The following GRM5 variants were observed in gnomAD, a reference collection of about 807,000 sequenced individuals.
GRM5 encodes the protein glutamate metabotropic receptor 5.
GRM5 carries 19 observed loss-of-function variants against 83.1 expected under a neutral mutation model. That is an observed-to-expected ratio of 0.23 (90% CI 0.16 to 0.34). The LOEUF (loss-of-function observed/expected upper bound fraction) is 0.34. GRM5 is among the 10% of genes least tolerant of loss of function. The pLI is 1.00. For synonymous variants in GRM5, 675 were observed against 633.6 expected (o/e 1.07, Z -0.98); for missense variants, 1,160 against 1,588.3 (o/e 0.73, Z 4.58).
intron 4 of GRM5, among the ~76,000 whole-genome samples, chr11:88,642,437 T>C (rs953664932): frequency 1.3e-5 from 2 of 152,180 alleles, no homozygotes; most frequent in African/African-American, 4.8e-5. Flanking sequence ...TCCCTTTTAG[T>C]TGGGCAAATA....
chr11:88,870,225 A>G (rs1944739673), intron 2 of GRM5, among the ~76,000 whole-genome samples: 1 of 151,594 alleles, frequency 6.6e-6, no homozygotes, highest in South Asian at 2.1e-4. Flanking sequence ...ACAATGGGAG[A>G]AAGCACTAAA....
chr11:88,719,108 G>T (rs1287322029), intron 3 of GRM5, among the ~76,000 whole-genome samples: 1 of 151,460 alleles, frequency 6.6e-6, no homozygotes, highest in Non-Finnish European at 1.5e-5. Context: ...TACAAGTGCA[G>T]GTTTGTTACA....
At chr11:88,884,973 TA>T (rs1465802955) in intron 2 of GRM5, among the ~76,000 whole-genome samples, 1 of 152,196 alleles carries the variant, frequency 6.6e-6, no homozygotes, top group African/African-American at 2.4e-5. Flanking sequence ...TATTTGTCCT[TA>T]AAATTGAATA....
At chr11:89,009,929 A>AAAC (rs752780249) in intron 2 of GRM5, among the ~76,000 whole-genome samples, 58 of 102,370 alleles carry the variant, frequency 5.7e-4, no homozygotes, top group East Asian at 4.6e-3. Context: ...AAAAAAAAAA[A>AAAC]ACACACACAA....
chr11:88,739,060 C>T (rs549237965), intron 3 of GRM5, among the ~76,000 whole-genome samples: 51 of 152,148 alleles, frequency 3.4e-4, no homozygotes, highest in South Asian at 1.2e-3. Context: ...ATTAAAATTA[C>T]GTATTTCATA....
chr11:88,976,773 A>G (rs1939351085), intron 2 of GRM5, among the ~76,000 whole-genome samples: 1 of 152,160 alleles, frequency 6.6e-6, no homozygotes. Flanking sequence ...TGACACACAC[A>G]CAAATTGTTT....
At chr11:88,983,811 G>C (rs1210699075) in intron 2 of GRM5, among the ~76,000 whole-genome samples, 3 of 151,988 alleles carry the variant, frequency 2.0e-5, no homozygotes, top group Non-Finnish European at 4.4e-5. Context: ...ATGCCCCCAT[G>C]CACATTATTG....
At chr11:88,906,126 C>G (rs1222744441) in intron 2 of GRM5, among the ~76,000 whole-genome samples, 3 of 152,128 alleles carry the variant, frequency 2.0e-5, no homozygotes, top group Admixed American at 2.0e-4. Flanking sequence ...TACAGTGTCT[C>G]TCTTAGCCAG....
rs574497754 is a variant in GRM5 at position 88,543,164 on chromosome 11, G to A, written c.2631-17760C>T. ...CGTGGTGTAATTTGAACTTACCCTG[G>A]CCTGAGAGGCACAAGCTTGGCACAC... is the stretch of plus-strand genomic sequence containing the variant. On this transcript the variant is annotated intron_variant, in intron 8 of 9. Coordinates refer to ENST00000305447, the MANE Select transcript of GRM5 (RefSeq NM_001143831.3). Among the ~76,000 whole-genome samples, 16 of 152,278 alleles carry A rather than the reference G, an allele frequency of 1.1e-4. No individual in the cohort carries two copies. In the East Asian group the frequency reaches 3.1e-3, roughly 29 times the overall value.
intron 3 of GRM5, among the ~76,000 whole-genome samples, chr11:88,681,263 T>G (rs1401905158): frequency 6.6e-6 from 1 of 152,152 alleles, no homozygotes; most frequent in East Asian, 1.9e-4. Context: ...ACTTTCAAAC[T>G]TGTATTAATG....
At chr11:88,844,679 T>C (rs1175035779) in intron 3 of GRM5, among the ~76,000 whole-genome samples, 1 of 152,162 alleles carries the variant, frequency 6.6e-6, no homozygotes. Context: ...CCATTCTAGG[T>C]GTCATTAAGA....
At chr11:88,570,937 A>G (rs1942986822) in intron 7 of GRM5, among the ~76,000 whole-genome samples, 1 of 152,054 alleles carries the variant, frequency 6.6e-6, no homozygotes, top group Non-Finnish European at 1.5e-5. Flanking sequence ...TATTAAATAT[A>G]TAGAGGTCTG....
At chr11:88,658,616 T>C (rs1939827425) in intron 3 of GRM5, among the ~76,000 whole-genome samples, 1 of 152,176 alleles carries the variant, frequency 6.6e-6, no homozygotes, top group Admixed American at 6.6e-5. Flanking sequence ...TATGGGCATG[T>C]CCTAAATGCA....
chr11:88,756,977 C>G (rs889297445), intron 3 of GRM5, among the ~76,000 whole-genome samples: 1 of 151,940 alleles, frequency 6.6e-6, no homozygotes, highest in Non-Finnish European at 1.5e-5. Flanking sequence ...AAACTCACAC[C>G]AAGATACATT....
At chr11:88,990,101 T>C (rs545110838) in intron 2 of GRM5, among the ~76,000 whole-genome samples, 2,827 of 147,122 alleles carry the variant, frequency 0.019, 72 homozygotes, top group African/African-American at 0.07. Flanking sequence ...TCAACAAAAT[T>C]GATAGACTGC....
intron 3 of GRM5, among the ~76,000 whole-genome samples, chr11:88,810,537 T>C (rs1943570459): frequency 6.6e-6 from 1 of 152,022 alleles, no homozygotes; most frequent in Non-Finnish European, 1.5e-5. Context: ...AGAGAGTAGA[T>C]ACTGAAGATC....
intron 3 of GRM5, among the ~76,000 whole-genome samples, chr11:88,729,476 C>G (rs1481319575): frequency 1.3e-5 from 2 of 152,122 alleles, no homozygotes; most frequent in Non-Finnish European, 1.5e-5. Flanking sequence ...AGATTTAATG[C>G]TATCCCCATC....
chr11:88,520,963 G>T (rs997740809), intron 9 of GRM5, among the ~76,000 whole-genome samples: 1 of 151,986 alleles, frequency 6.6e-6, no homozygotes, highest in African/African-American at 2.4e-5. Flanking sequence ...TTCTCTTTTT[G>T]TTCAAAAATA....
intron 2 of GRM5, among the ~76,000 whole-genome samples, chr11:88,922,028 CA>C (rs1304715100): frequency 6.6e-6 from 1 of 151,382 alleles, no homozygotes; most frequent in Non-Finnish European, 1.5e-5. Context: ...AGGAAAAAAC[CA>C]AAAAAGTGAA....
Sources: gnomAD v4.1 joint callset for allele counts (sites outside exome capture counted in the v4.1 genomes callset) on GRCh38, gnomAD v4.1.1 for gene constraint, MANE v1.5 for transcripts, NCBI Gene and HGNC (gene_info 2026-07-23, HGNC 2026-07-21) for gene names.